OPCML: variants seen among roughly 807,000 people sequenced by gnomAD.
The protein encoded by OPCML is opioid binding protein/cell adhesion molecule like.
In OPCML, 13 loss-of-function variants were observed where a neutral mutation model predicts 37.8. That is an observed-to-expected ratio of 0.34 (90% CI 0.22 to 0.55). OPCML has a LOEUF of 0.55. OPCML is among the 20% of genes least tolerant of loss of function. The pLI is 0.91. For missense variants in OPCML, 341 were observed against 435.6 expected, an observed-to-expected ratio of 0.78 and a Z score of 1.93; for synonymous variants, 176 against 168.8, an observed-to-expected ratio of 1.04 and a Z score of -0.33.
intron 1 of OPCML, among the ~76,000 whole-genome samples, chr11:133,020,360 C>G (rs944294655): frequency 1.3e-5 from 2 of 152,198 alleles, no homozygotes; most frequent in African/African-American, 4.8e-5. Context: ...CCCACAGACA[C>G]GCTGCATGGC....
At chr11:132,546,214 C>T (rs2137400013) in intron 3 of OPCML, among the ~76,000 whole-genome samples, 1 of 152,246 alleles carries the variant, frequency 6.6e-6, no homozygotes, top group African/African-American at 2.4e-5. Context: ...CAGGGACTTC[C>T]CAGTGAGAAG....
intron 3 of OPCML, among the ~76,000 whole-genome samples, chr11:132,611,108 C>T (rs1212008201): frequency 6.6e-6 from 1 of 152,184 alleles, no homozygotes; most frequent in Non-Finnish European, 1.5e-5. Context: ...CTTTGAAGAC[C>T]TAGCTCATTT....
At chr11:132,841,705 A>G (rs1351356527) in intron 2 of OPCML, among the ~76,000 whole-genome samples, 1 of 151,810 alleles carries the variant, frequency 6.6e-6, no homozygotes, top group African/African-American at 2.4e-5. Flanking sequence ...TCCTAAAAAT[A>G]TAAAAATTAG....
intron 1 of OPCML, among the ~76,000 whole-genome samples, chr11:133,460,372 CAAATACA>C (rs1946830329): frequency 1.3e-5 from 2 of 151,540 alleles, no homozygotes; most frequent in African/African-American, 4.8e-5. Context: ...AGATTAAAGA[CAAATACA>C]AATTTTTAAA....
At chr11:132,919,261 T>G (rs1045424600) in intron 2 of OPCML, among the ~76,000 whole-genome samples, 1 of 152,166 alleles carries the variant, frequency 6.6e-6, no homozygotes, top group East Asian at 1.9e-4. Flanking sequence ...AGGCATGTTC[T>G]AAGACAGTGG....
chr11:133,481,577 TC>T (rs1287461744), intron 1 of OPCML, among the ~76,000 whole-genome samples: 2 of 152,154 alleles, frequency 1.3e-5, no homozygotes, highest in African/African-American at 2.4e-5. Context: ...CCACAAAAGA[TC>T]ATGTATCTTA....
At chr11:133,526,977 G>C (rs1271068266) in intron 1 of OPCML, among the ~76,000 whole-genome samples, 1 of 152,232 alleles carries the variant, frequency 6.6e-6, no homozygotes, top group Non-Finnish European at 1.5e-5. Flanking sequence ...AGCAGCCACA[G>C]ACCATCTGGG....
At chr11:133,147,748 C>T (rs528713198) in intron 1 of OPCML, among the ~76,000 whole-genome samples, 1 of 152,242 alleles carries the variant, frequency 6.6e-6, no homozygotes, top group Non-Finnish European at 1.5e-5. Flanking sequence ...CAGACAGGTC[C>T]TGGTTGTACA....
chr11:133,045,607 G>A (rs1320559595), intron 1 of OPCML, among the ~76,000 whole-genome samples: 1 of 152,178 alleles, frequency 6.6e-6, no homozygotes, highest in Non-Finnish European at 1.5e-5. Context: ...CCTCCCCGCT[G>A]GAAAGCTCTG....
chr11:132,686,169 A>T (rs1591725566), intron 2 of OPCML, among the ~76,000 whole-genome samples: 1 of 152,288 alleles, frequency 6.6e-6, no homozygotes, highest in East Asian at 1.9e-4. Flanking sequence ...GCTGGCCCCA[A>T]GTTCCCCGAA....
chr11:132,480,289 T>C (rs1396124312), intron 4 of OPCML, among the ~76,000 whole-genome samples: 1 of 151,884 alleles, frequency 6.6e-6, no homozygotes, highest in Non-Finnish European at 1.5e-5. Context: ...ATGAAATGAA[T>C]GAAATGAAGC....
intron 1 of OPCML, among the ~76,000 whole-genome samples, chr11:132,979,316 A>G (rs1272163861): frequency 6.6e-6 from 1 of 152,168 alleles, no homozygotes; most frequent in Non-Finnish European, 1.5e-5. Flanking sequence ...TTTCACTCAG[A>G]GTACAGAGCC....
At chr11:133,228,297 C>A (rs1470148323) in intron 1 of OPCML, among the ~76,000 whole-genome samples, 1 of 152,166 alleles carries the variant, frequency 6.6e-6, no homozygotes, top group Non-Finnish European at 1.5e-5. Flanking sequence ...GGTGTTCACA[C>A]CCCGGTTTTA....
chr11:132,862,344 A>G (rs992663729), intron 2 of OPCML, among the ~76,000 whole-genome samples: 1 of 152,078 alleles, frequency 6.6e-6, no homozygotes, highest in Non-Finnish European at 1.5e-5. Flanking sequence ...TTCCAATTTG[A>G]CTTCGTTTTG....
Position 133,484,059 on chromosome 11 carries a change from TAGA to T in OPCML, c.61+48202_61+48204del, listed in dbSNP as rs1456130266. 3.2e-3 allele frequency among the ~76,000 whole-genome samples: 483 copies of T among 150,848 alleles called. 3 individuals are homozygous for T. The highest frequency in any genetic ancestry group is 0.011 in the African/African-American group (449 of 40,996). The stretch of plus-strand genomic sequence containing the variant: ...ATAGATAGATAGATAGATAGATAGA[TAGA>T]TAGATAGATAGATAGATAGATTCAT... On this transcript the variant is annotated intron_variant, in intron 1 of 7. Coordinates refer to ENST00000524381, the MANE Select transcript of OPCML (RefSeq NM_001012393.5).
At chr11:133,204,187 A>T (rs1421734581) in intron 1 of OPCML, among the ~76,000 whole-genome samples, 1 of 152,212 alleles carries the variant, frequency 6.6e-6, no homozygotes, top group Non-Finnish European at 1.5e-5. Context: ...AAAATAAAAG[A>T]ACAAGAAATA....
chr11:132,741,524 T>C (rs977863104), intron 2 of OPCML, among the ~76,000 whole-genome samples: 5 of 152,120 alleles, frequency 3.3e-5, no homozygotes, highest in Non-Finnish European at 5.9e-5. Flanking sequence ...CTGAGAATTG[T>C]TATGAGAATT....
At chr11:133,229,830 A>T (rs1045835906) in intron 1 of OPCML, among the ~76,000 whole-genome samples, 4 of 152,228 alleles carry the variant, frequency 2.6e-5, no homozygotes, top group Non-Finnish European at 5.9e-5. Context: ...AAGTCTTCCC[A>T]GACCTGTCCA....
intron 1 of OPCML, among the ~76,000 whole-genome samples, chr11:132,982,900 T>C (rs1276682135): frequency 6.6e-6 from 1 of 152,194 alleles, no homozygotes; most frequent in Non-Finnish European, 1.5e-5. Context: ...CAGAGCTTTC[T>C]TGGGTGGCTT....
Sources: allele counts gnomAD v4.1 joint callset (sites outside exome capture counted in the v4.1 genomes callset), GRCh38; gene constraint gnomAD v4.1.1; transcripts MANE v1.5; gene names NCBI Gene and HGNC (gene_info 2026-07-23, HGNC 2026-07-21).